The following ARL15 variants were observed in gnomAD, a reference collection of about 807,000 sequenced individuals.
The protein encoded by ARL15 is ADP-ribosylation factor-like protein 15.
In ARL15, 19 loss-of-function variants were observed where a neutral mutation model predicts 25.2. That is an observed-to-expected ratio of 0.75 (90% CI 0.53 to 1.10). The LOEUF is 1.10. Among genes scored for constraint, ARL15 ranks in the 50% least tolerant of loss-of-function variants. ARL15 has a pLI of 0.00. For missense variants in ARL15, 220 were observed against 246.0 expected (o/e 0.89, Z 0.71); for synonymous variants, 94 against 86.8 (o/e 1.08, Z -0.46).
chr5:54,207,380 CAG>C lies in ARL15; in HGVS notation c.49-35454_49-35453del, dbSNP rs1399007839. Among the ~76,000 whole-genome samples the C allele has an allele frequency of 3.9e-5, 6 of 152,290 alleles. No homozygotes were observed. In the East Asian group the frequency reaches 1.2e-3, roughly 29 times the overall value. On this transcript the variant is annotated intron_variant, in intron 1 of 4. Coordinates refer to ENST00000504924, the MANE Select transcript of ARL15 (RefSeq NM_019087.3). Reference sequence around the variant, plus strand: ...ACAGTTACAAGCATCTAAACACAGACAGAGCATGCTTCTATTTAGTCTTATTC... The same window carrying C: ...ACAGTTACAAGCATCTAAACACAGACAGCATGCTTCTATTTAGTCTTATTC...
chr5:54,217,360 G>A (rs929899198), intron 1 of ARL15, among the ~76,000 whole-genome samples: 5 of 151,946 alleles, frequency 3.3e-5, no homozygotes, highest in Non-Finnish European at 5.9e-5. Flanking sequence ...ATCACAGATC[G>A]TTAGTTATAT....
intron 3 of ARL15, among the ~76,000 whole-genome samples, chr5:54,151,407 G>T (rs1312920354): frequency 4.6e-5 from 7 of 151,634 alleles, no homozygotes; most frequent in Admixed American, 2.0e-4. Context: ...CTCTTTTCAT[G>T]AATGTCTCCA....
At chr5:53,962,773 T>A (rs1022284804) in intron 4 of ARL15, among the ~76,000 whole-genome samples, 22 of 152,326 alleles carry the variant, frequency 1.4e-4, no homozygotes, top group African/African-American at 5.3e-4. Context: ...TTTTGAATTT[T>A]AAATTATGAA....
intron 1 of ARL15, among the ~76,000 whole-genome samples, chr5:54,189,727 C>T (rs1755341201): frequency 6.6e-6 from 1 of 151,790 alleles, no homozygotes; most frequent in South Asian, 2.1e-4. Context: ...GAAAAAAACA[C>T]AGGGCAAATG....
chr5:54,288,164 T>C (rs1057020560), intron 1 of ARL15, among the ~76,000 whole-genome samples: 2 of 152,224 alleles, frequency 1.3e-5, no homozygotes, highest in African/African-American at 4.8e-5. Context: ...GAAATCAGTA[T>C]GTGAAGAATG....
chr5:53,994,132 C>T (rs1417348107), intron 4 of ARL15, among the ~76,000 whole-genome samples: 1 of 152,148 alleles, frequency 6.6e-6, no homozygotes, highest in Admixed American at 6.5e-5. Context: ...TTTTCTTTAA[C>T]AGATTGGTAT....
chr5:54,100,748 T>C (rs1213662700), intron 4 of ARL15, among the ~76,000 whole-genome samples: 1 of 152,114 alleles, frequency 6.6e-6, no homozygotes, highest in Non-Finnish European at 1.5e-5. Flanking sequence ...ATATAGTCTA[T>C]GTTTCATTTT....
chr5:53,915,079 GGGA>G (rs1745594427), intron 4 of ARL15, among the ~76,000 whole-genome samples: 2 of 152,330 alleles, frequency 1.3e-5, no homozygotes, highest in East Asian at 3.9e-4. Flanking sequence ...CCAAAGTGCT[GGGA>G]TTACAGGCAT....
intron 4 of ARL15, among the ~76,000 whole-genome samples, chr5:54,064,295 GATC>G (rs1453298180): frequency 6.6e-6 from 1 of 152,170 alleles, no homozygotes; most frequent in Non-Finnish European, 1.5e-5. Flanking sequence ...CAAAGGACAA[GATC>G]CATACTAAAT....
chr5:54,178,506 C>T (rs1219424390), intron 1 of ARL15, among the ~76,000 whole-genome samples: 4 of 152,058 alleles, frequency 2.6e-5, no homozygotes, highest in African/African-American at 9.7e-5. Flanking sequence ...GGACCACACT[C>T]GATAAATACT....
chr5:54,307,148 C>T (rs1486255261), intron 1 of ARL15, among the ~76,000 whole-genome samples: 2 of 152,058 alleles, frequency 1.3e-5, no homozygotes, highest in Non-Finnish European at 2.9e-5. Flanking sequence ...AGTTGTGTGC[C>T]CTTCTAGGAA....
intron 4 of ARL15, among the ~76,000 whole-genome samples, chr5:54,050,090 C>T (rs1046211312): frequency 1.3e-5 from 2 of 152,154 alleles, no homozygotes; most frequent in African/African-American, 2.4e-5. Flanking sequence ...ATCTGGATTG[C>T]CTTCAACTAT....
At chr5:54,137,334 C>T (rs1233916210) in intron 3 of ARL15, among the ~76,000 whole-genome samples, 1 of 152,158 alleles carries the variant, frequency 6.6e-6, no homozygotes, top group Non-Finnish European at 1.5e-5. Context: ...CCCAGCGATG[C>T]TATGCAAAGA....
At chr5:53,947,442 C>A (rs1746786748) in intron 4 of ARL15, among the ~76,000 whole-genome samples, 1 of 152,146 alleles carries the variant, frequency 6.6e-6, no homozygotes, top group Non-Finnish European at 1.5e-5. Context: ...AAACAAATGG[C>A]TTGCAAGCAC....
chr5:54,070,456 T>G (rs1288495464), intron 4 of ARL15, among the ~76,000 whole-genome samples: 1 of 151,840 alleles, frequency 6.6e-6, no homozygotes, highest in Non-Finnish European at 1.5e-5. Flanking sequence ...CTGGGTCACC[T>G]CGGGACTCTG....
chr5:54,128,356 T>G (rs1353999394), intron 3 of ARL15, among the ~76,000 whole-genome samples: 1 of 152,232 alleles, frequency 6.6e-6, no homozygotes, highest in Non-Finnish European at 1.5e-5. Flanking sequence ...GACAGATTTC[T>G]GCACTTATGT....
At chr5:53,896,124 C>A (rs1013361564) in intron 4 of ARL15, among the ~76,000 whole-genome samples, 1 of 152,192 alleles carries the variant, frequency 6.6e-6, no homozygotes, top group Admixed American at 6.5e-5. Context: ...ACCTCCACCT[C>A]CCAGGTTCAA....
chr5:54,020,696 G>A (rs697103), intron 4 of ARL15, among the ~76,000 whole-genome samples: 80,702 of 151,726 alleles, frequency 0.53, 22,125 homozygotes, highest in Admixed American at 0.6. Flanking sequence ...GCTCACTCCT[G>A]TAATCCCAGC....
chr5:54,151,533 A>G (rs1466103645), intron 3 of ARL15, among the ~76,000 whole-genome samples: 4 of 152,218 alleles, frequency 2.6e-5, no homozygotes, highest in Non-Finnish European at 1.5e-5. Context: ...GTGAACAGTA[A>G]GAAAACACCA....
Sources: gnomAD v4.1 joint callset for allele counts (sites outside exome capture counted in the v4.1 genomes callset) on GRCh38, gnomAD v4.1.1 for gene constraint, MANE v1.5 for transcripts, NCBI Gene and HGNC (gene_info 2026-07-23, HGNC 2026-07-21) for gene names.